Variants in SKP1 observed in about 807,000 individuals in gnomAD.
The protein encoded by SKP1 is S-phase kinase associated protein 1.
In SKP1, 1 loss-of-function variant was observed where a neutral mutation model predicts 21.5. The observed-to-expected ratio is 0.05, with a 90% CI of 0.02 to 0.22. The LOEUF (loss-of-function observed/expected upper bound fraction) is 0.22, where lower values mean the gene tolerates loss of function less well. SKP1 is among the 10% of genes least tolerant of loss of function. The pLI, the probability that SKP1 is intolerant of heterozygous loss-of-function variation, is 1.00. For synonymous variants in SKP1, 59 were observed against 59.3 expected (o/e 0.99, Z 0.03); for missense variants, 70 against 192.0 (o/e 0.36, Z 3.76).
chr5:134,151,429 A>T lies in SKP1; in HGVS notation c.*6304T>A. On this transcript the variant is annotated 3_prime_UTR_variant, in exon 6 of 6. Coordinates refer to ENST00000353411, the MANE Select transcript of SKP1 (RefSeq NM_170679.3). ...TTTCCGTAAGCTTCCTGGAACAGAA[A>T]AATCTGCAAAGCAACTGAAGAAGGC... 4.1e-6 allele frequency: 1 copy of T among 246,030 alleles called. No homozygotes were observed. The highest frequency in any genetic ancestry group is 8.5e-6 in the Non-Finnish European group (1 of 118,270). 15.2% of individuals were successfully genotyped at this position (246,030 alleles called of 1,614,324 possible).
rs1247165521 is a variant in SKP1, at chr5:134,157,720, C to G, written c.*13G>C. ...AACAATCCTTACAGTGTTACAGTGT[C>G]AGGCACAACATTTCACTTCTCTTCA... On this transcript the variant is annotated 3_prime_UTR_variant, in exon 6 of 6. Transcript: ENST00000353411. The G allele has an allele frequency of 1.9e-6, 3 of 1,604,300 alleles. No homozygotes were observed. The highest frequency in any genetic ancestry group is 2.7e-5 in the African/African-American group (2 of 74,708).
At chr5:134,162,777 C>T (rs1761243674) in intron 3 of SKP1, among the ~76,000 whole-genome samples, 1 of 150,678 alleles carries the variant, frequency 6.6e-6, no homozygotes, top group African/African-American at 2.4e-5. Flanking sequence ...CTTATCCAGG[C>T]ATTTTTTAAA....
intron 2 of SKP1, among the ~76,000 whole-genome samples, chr5:134,170,511 G>C (rs73791512): frequency 0.014 from 2,076 of 152,254 alleles, 28 homozygotes; most frequent in African/African-American, 0.038. Flanking sequence ...TGATTGTCCT[G>C]TGGATTAAAA....
intron 4 of SKP1, 169 bp from the exon 5 acceptor site, chr5:134,158,764 CCTT>C: frequency 6.2e-6 from 4 of 640,750 alleles, no homozygotes; most frequent in Non-Finnish European, 1.1e-5. Flanking sequence ...TTTTATGTGA[CCTT>C]CTTTGTTATA....
At chr5:134,164,349 A>G (rs868284567) in intron 3 of SKP1, among the ~76,000 whole-genome samples, 4,160 of 130,292 alleles carry the variant, frequency 0.032, 226 homozygotes, top group African/African-American at 0.11. Context: ...AAAAAAAAAA[A>G]AAGATTATCT....
chr5:134,165,454 G>A (rs1247384449), intron 3 of SKP1, among the ~76,000 whole-genome samples: 1 of 151,764 alleles, frequency 6.6e-6, no homozygotes, highest in African/African-American at 2.4e-5. Flanking sequence ...GCTGGGCATG[G>A]TAGCGGGTGT....
chr5:134,168,987 A>T (rs1214357973), intron 2 of SKP1, among the ~76,000 whole-genome samples: 1 of 152,094 alleles, frequency 6.6e-6, no homozygotes, highest in East Asian at 1.9e-4. Flanking sequence ...GACTATCATC[A>T]AGCAAATGGC....
At chr5:134,173,705 T>C (rs894510563) in intron 2 of SKP1, 4 of 631,102 alleles carry the variant, frequency 6.3e-6, no homozygotes, top group African/African-American at 5.4e-5. Flanking sequence ...TTTTACCTTA[T>C]GATTTTATCC....
intron 2 of SKP1, among the ~76,000 whole-genome samples, chr5:134,171,829 G>A (rs1761445788): frequency 6.6e-6 from 1 of 152,204 alleles, no homozygotes; most frequent in African/African-American, 2.4e-5. Flanking sequence ...CGGATCACCT[G>A]AGGTCAGGAG....
In SKP1 at chr5:134,150,318, C is replaced by T. The variant is rs1453907815; in HGVS notation, c.*7415G>A. 6.6e-6 allele frequency: 1 copy of T among 152,230 alleles called. No individual in the cohort carries two copies. Among genetic ancestry groups the T allele is most frequent in the African/African-American group, 2.4e-5 (1 of 41,434 alleles). The allele number at this position is 152,230 out of a possible 1,614,324, so 9.4% of individuals were successfully genotyped here. Reference sequence around the variant, plus strand: ...GGACCCCTAACAGCTAGCTCAGAAGCACTGCACCCTAGCTTTGTTCAGTAT... The same window carrying T: ...GGACCCCTAACAGCTAGCTCAGAAGTACTGCACCCTAGCTTTGTTCAGTAT... On this transcript the variant is annotated 3_prime_UTR_variant, in exon 6 of 6. Transcript: ENST00000353411.
intron 2 of SKP1, among the ~76,000 whole-genome samples, chr5:134,168,802 G>A (rs549095955): frequency 3.9e-5 from 6 of 152,100 alleles, no homozygotes; most frequent in Non-Finnish European, 8.8e-5. Context: ...TTGGTAAGGG[G>A]AAGGCTGTCA....
chr5:134,164,560 C>A (rs757511226), intron 3 of SKP1, among the ~76,000 whole-genome samples: 10 of 152,080 alleles, frequency 6.6e-5, no homozygotes, highest in Non-Finnish European at 1.3e-4. Context: ...CACTGCTATA[C>A]CCCCAGCTTT....
At chr5:134,169,890 A>T (rs1761407216) in intron 2 of SKP1, among the ~76,000 whole-genome samples, 1 of 151,998 alleles carries the variant, frequency 6.6e-6, no homozygotes, top group African/African-American at 2.4e-5. Flanking sequence ...AGTCCCAGCT[A>T]CTCAGGAGGC....
chr5:134,158,065 A>T lies in SKP1; in HGVS notation c.457-297T>A. On this transcript the variant is annotated intron_variant, in intron 5 of 5. Transcript: ENST00000353411. ...TTTCAGTCTGTAGTCATGTCAACAA[A>T]ATCATTCTGATCTATTCTTTCATTT... 3.4e-6 allele frequency: 5 copies of T among 1,450,232 alleles called. No homozygotes were observed. The South Asian group carries it at 4.9e-5, about 14-fold the overall frequency. 89.8% of individuals were successfully genotyped at this position (1,450,232 alleles called of 1,614,324 possible).
intron 4 of SKP1, 72 bp downstream of exon 4, chr5:134,160,915 T>G: frequency 9.5e-7 from 1 of 1,047,734 alleles, no homozygotes; most frequent in Non-Finnish European, 1.4e-6. Flanking sequence ...GTCAATGAAG[T>G]TAGCAAATTT....
At chr5:134,170,018 A>G (rs1429533392) in intron 2 of SKP1, among the ~76,000 whole-genome samples, 6 of 151,042 alleles carry the variant, frequency 4.0e-5, no homozygotes, top group Non-Finnish European at 7.4e-5. Flanking sequence ...AAAAAAAAAA[A>G]ATTAGCTGGG....
intron 5 of SKP1, 83 bp downstream of exon 5, chr5:134,158,372 A>C: frequency 6.2e-7 from 1 of 1,610,348 alleles, no homozygotes; most frequent in Non-Finnish European, 8.5e-7. Flanking sequence ...TACTTGATAC[A>C]GTCACCTCTT....
At chr5:134,174,155 A>G in intron 1 of SKP1, 133 bp from the exon 2 acceptor site, 1 of 643,526 alleles carries the variant, frequency 1.6e-6, no homozygotes, top group Non-Finnish European at 2.8e-6. Context: ...ATAACCCTGT[A>G]AAGCACTGTT....
intron 5 of SKP1, 144 bp downstream of exon 5, chr5:134,158,311 A>G (rs995548862): frequency 5.8e-6 from 9 of 1,540,958 alleles, no homozygotes; most frequent in Non-Finnish European, 7.8e-6. Context: ...CAGAACAGTA[A>G]GAGTATGTTT....
Sources: allele counts gnomAD v4.1 joint callset (sites outside exome capture counted in the v4.1 genomes callset), GRCh38; gene constraint gnomAD v4.1.1; transcripts MANE v1.5; gene names NCBI Gene and HGNC (gene_info 2026-07-23, HGNC 2026-07-21).